The following SLC25A53 variants were observed in gnomAD, a reference collection of about 807,000 sequenced individuals.
SLC25A53 encodes the protein solute carrier family 25 member 53, also known as mitochondrial carrier triple repeat protein 6.
In SLC25A53, 5 loss-of-function variants were observed where a neutral mutation model predicts 15.0. That is an observed-to-expected ratio of 0.33 (90% confidence interval 0.17 to 0.70). The LOEUF (loss-of-function observed/expected upper bound fraction) is 0.70, where lower values mean the gene tolerates loss of function less well. Ranked by LOEUF, SLC25A53 falls within the 30% of genes least tolerant of loss-of-function variation. SLC25A53 has a pLI of 0.67. For synonymous variants in SLC25A53, 95 were observed against 100.0 expected (o/e 0.95, Z 0.30); for missense variants, 216 against 241.6 (o/e 0.89, Z 0.70).
At chrX:104,107,236 C>T (rs178125) in intron 1 of SLC25A53, among the ~76,000 whole-genome samples, 2,591 of 112,110 alleles carry the variant, frequency 0.023, 36 homozygotes, top group Middle Eastern at 0.051. Flanking sequence ...ACACTCACCT[C>T]TTGGTGGAGG....
intron 1 of SLC25A53, among the ~76,000 whole-genome samples, chrX:104,134,877 T>G (rs1013121774): frequency 9.0e-6 from 1 of 111,049 alleles, no homozygotes; most frequent in Non-Finnish European, 1.9e-5. Flanking sequence ...CAATGATTCT[T>G]CCTTTCCTAC....
intron 1 of SLC25A53, among the ~76,000 whole-genome samples, chrX:104,132,631 T>A (rs782248655): frequency 7.7e-4 from 86 of 110,969 alleles, no homozygotes; most frequent in Middle Eastern, 4.7e-3. Context: ...CTGGACAAAA[T>A]TTTTTTTTAA....
chrX:104,113,169 A>G (rs1281339433), intron 1 of SLC25A53: 3 of 111,145 alleles, frequency 2.7e-5, no homozygotes, highest in Non-Finnish European at 5.7e-5. Flanking sequence ...AGGTTATCCA[A>G]CTTCTAGTCT....
rs1556352629 is a variant in SLC25A53 at position 104,101,599 on chromosome X, TGA to T, written c.*2733_*2734del. ...ATTTCACAATATCACATATATTGTG[TGA>T]GTTTTCATTTTATTATATTCTGTAA... is the stretch of plus-strand genomic sequence containing the variant. On this transcript the variant is annotated 3_prime_UTR_variant, in exon 2 of 2. Transcript: ENST00000594199. 8.9e-6 allele frequency: 1 copy of T among 112,695 alleles called. No individual in the cohort carries two copies. Among genetic ancestry groups the T allele is most frequent in the East Asian group, 2.8e-4 (1 of 3,611 alleles). The allele number at this position is 112,695 out of a possible 1,213,427, so 9.3% of individuals were successfully genotyped here.
chrX:104,102,759 A>T lies in SLC25A53; in HGVS notation c.*1575T>A, dbSNP rs2075286629. 1 of 112,100 alleles carries T rather than the reference A, an allele frequency of 8.9e-6. No homozygotes were observed. The highest frequency in any genetic ancestry group is 1.9e-5 in the Non-Finnish European group (1 of 53,256). The allele number at this position is 112,100 out of a possible 1,213,427, so 9.2% of individuals were successfully genotyped here. A position where few individuals can be genotyped will look rare whatever the true frequency, so the allele number is the denominator to read the frequency against. On this transcript the variant is annotated 3_prime_UTR_variant, in exon 2 of 2. Transcript: ENST00000594199. ...TGAGTTTTACAGTCTAGTAGGAGGT[A>T]TTGAAGAATACAAGAACAAAGGGTC... is the stretch of plus-strand genomic sequence containing the variant.
At chrX:104,150,323 A>G (rs1026325186) in intron 1 of SLC25A53, among the ~76,000 whole-genome samples, 1 of 111,166 alleles carries the variant, frequency 9.0e-6, no homozygotes, top group Admixed American at 9.6e-5. Flanking sequence ...CTGACTATTT[A>G]TCTGCTATAA....
At position 104,129,078 on chromosome X, in the gene SLC25A53, A is replaced by G. The variant is rs782051809; in HGVS notation, c.-31-23790T>C. ...CCAAGAAGGGTTTAACATTTTCCTG[A>G]TCCTGGGTTAACATAACCATAAATT... On this transcript the variant is annotated intron_variant, in intron 1 of 1. Coordinates refer to ENST00000594199, the MANE Select transcript of SLC25A53 (RefSeq NM_001012755.5). Among the ~76,000 whole-genome samples the G allele has an allele frequency of 2.7e-5, 3 of 111,825 alleles. No individual in the cohort carries two copies. In the South Asian group the frequency reaches 1.1e-3, roughly 42 times the overall value.
chrX:104,110,776 A>G (rs146714279), intron 1 of SLC25A53, among the ~76,000 whole-genome samples: 1 of 112,003 alleles, frequency 8.9e-6, no homozygotes, highest in African/African-American at 3.3e-5. Flanking sequence ...AAGGAGAAGT[A>G]CCCTGAAGAG....
At chrX:104,111,632 C>T (rs1185879615) in intron 1 of SLC25A53, among the ~76,000 whole-genome samples, 3 of 111,298 alleles carry the variant, frequency 2.7e-5, no homozygotes, top group African/African-American at 9.8e-5. Context: ...ACCTCCTCAC[C>T]CCCTCCCTCA....
chrX:104,110,099 T>C (rs1293413929), intron 1 of SLC25A53, among the ~76,000 whole-genome samples: 2 of 111,745 alleles, frequency 1.8e-5, no homozygotes, highest in African/African-American at 6.5e-5. Context: ...TTTCCTGTCA[T>C]TATTTTTGTC....
chrX:104,151,520 G>A (rs2075484714), intron 1 of SLC25A53, among the ~76,000 whole-genome samples: 2 of 111,188 alleles, frequency 1.8e-5, no homozygotes, highest in East Asian at 2.8e-4. Flanking sequence ...AGAAAAAACC[G>A]ACCTCCATAA....
chrX:104,104,738 A>G lies in SLC25A53; in HGVS notation c.520T>C (p.Tyr174His), dbSNP rs1556354874. The change falls in exon 2 of 2, where the codon TAC (tyrosine) becomes CAC (histidine). Residue 174 changes from tyrosine (Y) to histidine (H), a missense_variant. Transcript: ENST00000594199. ...YGLWGRLSLG[Y>H]YRGFWPVLAR... ...AGGACAGGCCAGAAACCACGATAGT[A>G]GCCCAGTGACAGCCGCCCCCAAAGC... The G allele has an allele frequency of 8.3e-7, 1 of 1,211,770 alleles. No homozygotes were observed. The highest frequency in any genetic ancestry group is 1.1e-6 in the Non-Finnish European group (1 of 895,568).
Position 104,105,272 on chromosome X carries a change from G to A in SLC25A53, c.-15C>T. 1 of 1,171,013 alleles carries A rather than the reference G, an allele frequency of 8.5e-7. No homozygotes were observed. Among genetic ancestry groups the A allele is most frequent in the Non-Finnish European group, 1.1e-6 (1 of 872,785 alleles). On this transcript the variant is annotated 5_prime_UTR_variant, in exon 2 of 2. Coordinates refer to ENST00000594199, the MANE Select transcript of SLC25A53 (RefSeq NM_001012755.5). ...TGCTCCCCCATGCTGAAGACAACTG[G>A]GTGCAGATGGAAGAAACTGGCAAGG...
intron 1 of SLC25A53, among the ~76,000 whole-genome samples, chrX:104,152,999 G>T (rs1052236087): frequency 9.0e-6 from 1 of 111,353 alleles, no homozygotes. Flanking sequence ...GGTCATGGGA[G>T]GGGGTTTGAA....
chrX:104,153,458 G>A (rs2075491674), intron 1 of SLC25A53, among the ~76,000 whole-genome samples: 1 of 111,474 alleles, frequency 9.0e-6, no homozygotes, highest in African/African-American at 3.3e-5. Flanking sequence ...GTGAATAACT[G>A]TATTTCTTCT....
At chrX:104,152,861 C>G (rs1556370622) in intron 1 of SLC25A53, among the ~76,000 whole-genome samples, 1 of 111,950 alleles carries the variant, frequency 8.9e-6, no homozygotes, top group Admixed American at 9.5e-5. Flanking sequence ...TTATGTGTGT[C>G]TGAGTGTTTG....
chrX:104,116,118 C>CGG (rs369156700), intron 1 of SLC25A53, among the ~76,000 whole-genome samples: 11 of 101,745 alleles, frequency 1.1e-4, no homozygotes, highest in Non-Finnish European at 6.0e-5. Context: ...AGATGGGGAA[C>CGG]GGGGGGGGGA....
rs2075277740 is a variant in SLC25A53 at position 104,100,981 on chromosome X, C to T, written c.*3353G>A. 9.0e-6 allele frequency: 1 copy of T among 111,711 alleles called. No individual in the cohort carries two copies. The highest frequency in any genetic ancestry group is 3.7e-4 in the South Asian group (1 of 2,679). The allele number at this position is 111,711 out of a possible 1,213,427, so 9.2% of individuals were successfully genotyped here. ...GAGGACTAGGTTTCACAAGACTGTT[C>T]CCAGGCCCTTCAGACACCAGTCGCA... On this transcript the variant is annotated 3_prime_UTR_variant, in exon 2 of 2. Coordinates refer to ENST00000594199, the MANE Select transcript of SLC25A53 (RefSeq NM_001012755.5).
chrX:104,123,534 CTGATTTGT>C (rs1164536093), intron 1 of SLC25A53, among the ~76,000 whole-genome samples: 2 of 104,675 alleles, frequency 1.9e-5, no homozygotes, highest in Non-Finnish European at 3.9e-5. Context: ...GTGTAGTTTG[CTGATTTGT>C]TTATTTTTTT....
Sources: gnomAD v4.1 joint callset for allele counts (sites outside exome capture counted in the v4.1 genomes callset) on GRCh38, gnomAD v4.1.1 for gene constraint, MANE v1.5 for transcripts, NCBI Gene and HGNC (gene_info 2026-07-23, HGNC 2026-07-21) for gene names.